The following DAG1 variants were observed in gnomAD, a reference collection of about 807,000 sequenced individuals.
DAG1 encodes dystroglycan 1, also known as dystroglycan 1 (dystrophin-associated glycoprotein 1).
DAG1 carries 8 observed loss-of-function variants against 46.1 expected under a neutral mutation model. The ratio of observed to expected loss-of-function variants is 0.17; its 90% CI spans 0.10 to 0.31. The LOEUF is 0.31. Ranked by LOEUF, DAG1 falls within the 10% of genes least tolerant of loss-of-function variation. DAG1 has a pLI of 1.00. For synonymous variants in DAG1, 495 were observed against 481.8 expected, an observed-to-expected ratio of 1.03 and a Z score of -0.36; for missense variants, 1,003 against 1,189.9, an observed-to-expected ratio of 0.84 and a Z score of 2.31.
upstream of DAG1, among the ~76,000 whole-genome samples, chr3:49,469,559 A>C (rs2049452795): frequency 6.6e-6 from 1 of 152,114 alleles, no homozygotes; most frequent in Non-Finnish European, 1.5e-5. Context: ...GCAGGAGAGC[A>C]GGCGTCGGAT....
rs1374391562 is a variant in DAG1 at position 49,487,695 on chromosome 3, T to C, written c.-117+17262T>C. Among the ~76,000 whole-genome samples, 10 of 50,296 alleles carry C rather than the reference T, an allele frequency of 2.0e-4. No individual in the cohort carries two copies. The Admixed American group carries it at 3.4e-3, about 17-fold the overall frequency. The allele number at this position is 50,296 out of a possible 152,430, so 33.0% of individuals were successfully genotyped here. The stretch of plus-strand genomic sequence containing the variant: ...GGAGTAATTAGCCCCATACATTCTT[T>C]TTTTTTTTTTTTTTTTTTGTTTGAG... On this transcript the variant is annotated intron_variant, in intron 1 of 2. Coordinates refer to ENST00000308775, the MANE Select transcript of DAG1 (RefSeq NM_004393.6).
intron 1 of DAG1, among the ~76,000 whole-genome samples, chr3:49,486,926 G>T (rs1327399459): frequency 3.3e-5 from 5 of 152,152 alleles, no homozygotes; most frequent in African/African-American, 1.2e-4. Flanking sequence ...GTCTCGCTCT[G>T]TTGCCCAGGC....
chr3:49,474,995 G>A (rs1479848729), intron 1 of DAG1, among the ~76,000 whole-genome samples: 1 of 151,552 alleles, frequency 6.6e-6, no homozygotes, highest in Non-Finnish European at 1.5e-5. Flanking sequence ...TGTATTTTTA[G>A]TAGAGACGGG....
chr3:49,497,101 C>T (rs2050333691), intron 1 of DAG1, among the ~76,000 whole-genome samples: 1 of 151,182 alleles, frequency 6.6e-6, no homozygotes, highest in African/African-American at 2.4e-5. Flanking sequence ...GAGTTTGAGA[C>T]CAGCCTGGGC....
At position 49,502,591 on chromosome 3, in the gene DAG1, A is replaced by T. The variant is rs1423951117; in HGVS notation, c.-116-7828A>T. ...TTACTTATCTCACATTGATGACAGG[A>T]ATCAATCAAACTATATCGTGCTAAA... On this transcript the variant is annotated intron_variant, in intron 1 of 2. Transcript: ENST00000308775. 2.6e-5 allele frequency among the ~76,000 whole-genome samples: 4 copies of T among 152,106 alleles called. No individual in the cohort carries two copies. The East Asian group carries it at 7.7e-4, about 29-fold the overall frequency.
At chr3:49,479,956 T>G (rs1575341983) in intron 1 of DAG1, among the ~76,000 whole-genome samples, 1 of 138,534 alleles carries the variant, frequency 7.2e-6, no homozygotes, top group East Asian at 2.1e-4. Context: ...AACATTCTTT[T>G]TTTTTTTTTT....
intron 2 of DAG1, among the ~76,000 whole-genome samples, chr3:49,526,555 AAG>A (rs1491169061): frequency 2.0e-5 from 3 of 152,048 alleles, no homozygotes; most frequent in South Asian, 2.1e-4. Flanking sequence ...AAAAAAGAAA[AAG>A]AAAAAAAAAA....
rs1325786993 is a variant in DAG1, at chr3:49,531,453, C to G, written c.942C>G (p.Ile314Met). Reference protein sequence around the residue: ...PPLPKRVRRQIHATPTPVTAI... With the variant: ...PPLPKRVRRQMHATPTPVTAI... ...TTCCCAAACGCGTCCGGAGGCAGAT[C>G]CATGCTACACCCACACCTGTCACTG... Residue 314 changes from isoleucine to methionine, a missense_variant, in exon 3 of 3, where the codon ATC becomes ATG. By Grantham distance (10) the Ile-to-Met change is conservative (BLOSUM62 1). Transcript: ENST00000308775. The surrounding 1 kb of genome is among the most constrained non-coding windows in gnomAD (Gnocchi z 7.0). 1 of 1,613,986 alleles carries G rather than the reference C, an allele frequency of 6.2e-7. No individual in the cohort carries two copies. Among genetic ancestry groups the G allele is most frequent in the Non-Finnish European group, 8.5e-7 (1 of 1,180,008 alleles).
chr3:49,522,333 T>C (rs187563523), intron 2 of DAG1, among the ~76,000 whole-genome samples: 3,141 of 151,994 alleles, frequency 0.021, 53 homozygotes, highest in Middle Eastern at 0.054. Context: ...CGCCTGGCTT[T>C]TTTTTGTATT....
At chr3:49,476,062 T>C (rs2049675670) in intron 1 of DAG1, among the ~76,000 whole-genome samples, 1 of 152,016 alleles carries the variant, frequency 6.6e-6, no homozygotes, top group South Asian at 2.1e-4. Context: ...GGTAGAAAGA[T>C]GGATGAGATG....
At chr3:49,494,827 G>C (rs2050271044) in intron 1 of DAG1, among the ~76,000 whole-genome samples, 1 of 151,970 alleles carries the variant, frequency 6.6e-6, no homozygotes, top group Non-Finnish European at 1.5e-5. Context: ...TAGAGACGGG[G>C]TTTCACCATG....
At chr3:49,470,227 C>T (rs1228716529), upstream of DAG1, 2 of 151,832 alleles carry the variant, frequency 1.3e-5, no homozygotes, top group East Asian at 3.9e-4. Context: ...GGTTGCTAGG[C>T]TCCGGCCGCG....
intron 1 of DAG1, among the ~76,000 whole-genome samples, chr3:49,500,161 C>T (rs1328954432): frequency 2.0e-5 from 3 of 151,532 alleles, no homozygotes; most frequent in Non-Finnish European, 1.5e-5. Context: ...TATAGGTGTC[C>T]GCCACCATGC....
At chr3:49,480,092 G>A (rs2049828954) in intron 1 of DAG1, among the ~76,000 whole-genome samples, 1 of 145,116 alleles carries the variant, frequency 6.9e-6, no homozygotes, top group Non-Finnish European at 1.5e-5. Context: ...TGGGATTACA[G>A]GTGCGCACCA....
At position 49,531,025 on chromosome 3, in the gene DAG1, C is replaced by G. The variant is rs764969676; in HGVS notation, c.514C>G (p.Pro172Ala). Reference sequence around the variant, plus strand: ...GCTGCAGTCGGTGAGGACAGCCTCCCCAGACCCTGGTGAGGTGGTATCATC... The same window carrying G: ...GCTGCAGTCGGTGAGGACAGCCTCCGCAGACCCTGGTGAGGTGGTATCATC... ...SELQSVRTAS[P>A]DPGEVVSSAC... The change falls in exon 3 of 3, where the codon CCA (proline) becomes GCA (alanine). Residue 172 changes from proline (P) to alanine (A), a missense_variant. Physicochemically the swap from Pro to Ala is conservative, Grantham distance 27 (BLOSUM62 -1). This residue lies in a region of DAG1 where 196 missense variants were observed against 239.1 expected (regional missense o/e 0.82). Coordinates refer to ENST00000308775, the MANE Select transcript of DAG1 (RefSeq NM_004393.6). The surrounding 1 kb of genome is among the most constrained non-coding windows in gnomAD (Gnocchi z 7.0). 1.2e-6 allele frequency: 2 copies of G among 1,614,198 alleles called. No individual in the cohort carries two copies. Among genetic ancestry groups the G allele is most frequent in the Admixed American group, 3.3e-5 (2 of 60,020 alleles).
At chr3:49,503,617 A>G (rs2050517030) in intron 1 of DAG1, among the ~76,000 whole-genome samples, 1 of 152,118 alleles carries the variant, frequency 6.6e-6, no homozygotes, top group Non-Finnish European at 1.5e-5. Flanking sequence ...GGATTGCTTT[A>G]GCCCAGGATT....
chr3:49,496,419 G>A (rs1476515581), intron 1 of DAG1, among the ~76,000 whole-genome samples: 14 of 145,564 alleles, frequency 9.6e-5, no homozygotes, highest in African/African-American at 3.6e-4. Flanking sequence ...GTGCAGTGGC[G>A]CGATCTCGGC....
intron 1 of DAG1, among the ~76,000 whole-genome samples, chr3:49,503,775 C>T (rs1178240811): frequency 6.7e-6 from 1 of 150,140 alleles, no homozygotes. Context: ...CTGCAGTGAG[C>T]TGTGATTGTG....
At chr3:49,530,614 C>G (rs775402259) in intron 2 of DAG1, among the ~76,000 whole-genome samples, 183 bp from the exon 3 acceptor site, 1 of 152,162 alleles carries the variant, frequency 6.6e-6, no homozygotes, top group African/African-American at 2.4e-5. Context: ...CATCTCATAG[C>G]CCTAGTCTTG....
Sources: gnomAD v4.1 joint callset for allele counts (sites outside exome capture counted in the v4.1 genomes callset) on GRCh38, gnomAD v4.1.1 for gene constraint, gnomAD v4.1.1 regional missense constraint, Gnocchi (gnomAD v3.1) non-coding constraint, MANE v1.5 for transcripts, NCBI Gene and HGNC (gene_info 2026-07-23, HGNC 2026-07-21) for gene names.